The following INPP4B variants were observed in gnomAD, a reference collection of about 807,000 sequenced individuals.
INPP4B encodes the protein inositol polyphosphate-4-phosphatase type II B.
In INPP4B, 55 loss-of-function variants were observed where a neutral mutation model predicts 122.5. That is an observed-to-expected ratio of 0.45 (90% CI 0.36 to 0.56). The LOEUF is 0.56. Among genes scored for constraint, INPP4B ranks in the 20% least tolerant of loss-of-function variants. The pLI is 0.00. For missense variants in INPP4B, 1,000 were observed against 1,097.7 expected, an observed-to-expected ratio of 0.91 and a Z score of 1.26; for synonymous variants, 403 against 388.7, an observed-to-expected ratio of 1.04 and a Z score of -0.43.
intron 14 of INPP4B, among the ~76,000 whole-genome samples, chr4:142,206,616 A>C (rs765584192): frequency 2.0e-5 from 3 of 151,972 alleles, no homozygotes; most frequent in Non-Finnish European, 4.4e-5. Flanking sequence ...TTCACATTTT[A>C]ACCACATTAT....
At chr4:142,326,176 C>G (rs533604752) in intron 7 of INPP4B, among the ~76,000 whole-genome samples, 1 of 152,156 alleles carries the variant, frequency 6.6e-6, no homozygotes, top group Non-Finnish European at 1.5e-5. Context: ...CAGACCCCGT[C>G]GGTTTTCTTG....
chr4:142,780,406 G>T (rs1180535242), intron 1 of INPP4B, among the ~76,000 whole-genome samples: 4 of 152,148 alleles, frequency 2.6e-5, no homozygotes, highest in African/African-American at 9.7e-5. Context: ...CGAAATGATG[G>T]AAGAAATAGA....
intron 2 of INPP4B, among the ~76,000 whole-genome samples, chr4:142,581,412 T>C (rs1328019020): frequency 6.6e-6 from 1 of 151,978 alleles, no homozygotes; most frequent in East Asian, 1.9e-4. Flanking sequence ...TATTGATTGA[T>C]ATACTAGCTT....
chr4:142,074,714 A>T (rs941851526), intron 25 of INPP4B, among the ~76,000 whole-genome samples: 2 of 152,110 alleles, frequency 1.3e-5, no homozygotes, highest in African/African-American at 4.8e-5. Flanking sequence ...AAAGAAGATA[A>T]CTAGATCTAA....
chr4:142,133,558 C>T (rs1439700757), intron 18 of INPP4B, among the ~76,000 whole-genome samples: 6 of 152,148 alleles, frequency 3.9e-5, no homozygotes, highest in Non-Finnish European at 8.8e-5. Flanking sequence ...TAAGTCAAAT[C>T]AGGTTAATCC....
At chr4:142,743,212 A>G (rs1375602755) in intron 1 of INPP4B, among the ~76,000 whole-genome samples, 1 of 152,022 alleles carries the variant, frequency 6.6e-6, no homozygotes, top group Non-Finnish European at 1.5e-5. Flanking sequence ...GAGTAACAGG[A>G]AAGCTCCATA....
At chr4:142,817,280 T>C (rs1442973459) in intron 1 of INPP4B, among the ~76,000 whole-genome samples, 1 of 152,054 alleles carries the variant, frequency 6.6e-6, no homozygotes, top group Admixed American at 6.6e-5. Context: ...TTTAGTGAGG[T>C]TTCCAGCCAT....
At chr4:142,684,804 T>C (rs919784457) in intron 2 of INPP4B, among the ~76,000 whole-genome samples, 7 of 151,962 alleles carry the variant, frequency 4.6e-5, no homozygotes, top group African/African-American at 7.2e-5. Flanking sequence ...ATTATTCTTA[T>C]ACGAGAAAAA....
intron 1 of INPP4B, among the ~76,000 whole-genome samples, chr4:142,739,722 C>T (rs1238695886): frequency 6.6e-6 from 1 of 151,824 alleles, no homozygotes; most frequent in African/African-American, 2.4e-5. Flanking sequence ...GCTCCAATAA[C>T]TCATTAGGTC....
At chr4:142,118,733 G>T (rs1456916552) in intron 21 of INPP4B, among the ~76,000 whole-genome samples, 1 of 152,096 alleles carries the variant, frequency 6.6e-6, no homozygotes. Context: ...CATAGGCATG[G>T]GCAAGGACTT....
At chr4:142,545,413 T>C (rs997529925) in intron 2 of INPP4B, among the ~76,000 whole-genome samples, 1 of 152,008 alleles carries the variant, frequency 6.6e-6, no homozygotes, top group Non-Finnish European at 1.5e-5. Context: ...GGTAACTGAG[T>C]GACTCACTGA....
At chr4:142,716,784 C>G (rs1398671825) in intron 2 of INPP4B, among the ~76,000 whole-genome samples, 1 of 152,162 alleles carries the variant, frequency 6.6e-6, no homozygotes, top group Non-Finnish European at 1.5e-5. Flanking sequence ...ACCTCAATTA[C>G]CCTGCCTCTT....
intron 1 of INPP4B, among the ~76,000 whole-genome samples, chr4:142,765,575 G>C (rs1771991911): frequency 6.6e-6 from 1 of 152,188 alleles, no homozygotes; most frequent in Admixed American, 6.5e-5. Flanking sequence ...AATCATGTGA[G>C]AGAAAATTTG....
intron 2 of INPP4B, among the ~76,000 whole-genome samples, chr4:142,706,667 C>T (rs1762508927): frequency 6.6e-6 from 1 of 152,168 alleles, no homozygotes; most frequent in South Asian, 2.1e-4. Context: ...AAAATAAATC[C>T]CATTGGCTGA....
At chr4:142,644,894 A>T (rs1299222276) in intron 2 of INPP4B, among the ~76,000 whole-genome samples, 1 of 140,646 alleles carries the variant, frequency 7.1e-6, no homozygotes, top group Non-Finnish European at 1.5e-5. Flanking sequence ...TGACAGAGCA[A>T]GACTCCATCT....
rs189575143 is a variant in INPP4B at position 142,233,070 on chromosome 4, A to C, written c.836+4794T>G. ...GTACAAGGTGAAGCAGCAAGCGCTGATGGAGGATCTGCAGCAAGTTATCCA... is the reference window on the plus strand; with the variant it reads ...GTACAAGGTGAAGCAGCAAGCGCTGCTGGAGGATCTGCAGCAAGTTATCCA... On this transcript the variant is annotated intron_variant, in intron 12 of 25. Coordinates refer to ENST00000262992, the MANE Select transcript of INPP4B (RefSeq NM_001101669.3). Among the ~76,000 whole-genome samples, 77 of 152,318 alleles carry C rather than the reference A, an allele frequency of 5.1e-4. 1 individual carries two copies. Among genetic ancestry groups the C allele is most frequent in the Admixed American group, 4.9e-3 (75 of 15,290 alleles).
intron 9 of INPP4B, among the ~76,000 whole-genome samples, chr4:142,289,922 A>G (rs900233394): frequency 6.6e-6 from 1 of 152,122 alleles, no homozygotes; most frequent in Non-Finnish European, 1.5e-5. Flanking sequence ...TTCAAAATGT[A>G]TCCAGAATGT....
At chr4:142,716,062 T>C (rs1490765686) in intron 2 of INPP4B, among the ~76,000 whole-genome samples, 1 of 152,178 alleles carries the variant, frequency 6.6e-6, no homozygotes, top group African/African-American at 2.4e-5. Flanking sequence ...GTCAACTTTA[T>C]GACCTACATT....
At chr4:142,520,396 A>G (rs947451545) in intron 2 of INPP4B, among the ~76,000 whole-genome samples, 1 of 151,964 alleles carries the variant, frequency 6.6e-6, no homozygotes, top group Non-Finnish European at 1.5e-5. Flanking sequence ...TACCCATATT[A>G]ATACATTTAT....
Sources: allele counts gnomAD v4.1 joint callset (sites outside exome capture counted in the v4.1 genomes callset), GRCh38; gene constraint gnomAD v4.1.1; transcripts MANE v1.5; gene names NCBI Gene and HGNC (gene_info 2026-07-23, HGNC 2026-07-21).